The following RALGPS1 variants were observed in gnomAD, a reference collection of about 807,000 sequenced individuals.
The protein encoded by RALGPS1 is ras-specific guanine nucleotide-releasing factor RalGPS1.
RALGPS1 carries 19 observed loss-of-function variants against 78.8 expected under a neutral mutation model. The ratio of observed to expected loss-of-function variants is 0.24; its 90% CI spans 0.17 to 0.35. The LOEUF is 0.35. Among genes scored for constraint, RALGPS1 ranks in the 10% least tolerant of loss-of-function variants. RALGPS1 has a pLI of 1.00. For synonymous variants in RALGPS1, 228 were observed against 256.3 expected, an observed-to-expected ratio of 0.89 and a Z score of 1.06; for missense variants, 454 against 688.3, an observed-to-expected ratio of 0.66 and a Z score of 3.81.
chr9:127,194,141 A>C (rs751885948), intron 11 of RALGPS1, among the ~76,000 whole-genome samples: 4 of 152,238 alleles, frequency 2.6e-5, no homozygotes, highest in South Asian at 2.1e-4. Context: ...ATTAAGTATG[A>C]GGGCTAACTA....
At chr9:127,159,653 T>G (rs554477311) in intron 8 of RALGPS1, among the ~76,000 whole-genome samples, 17 of 152,340 alleles carry the variant, frequency 1.1e-4, no homozygotes, top group Admixed American at 8.5e-4. Context: ...ACTCACAGTC[T>G]TCCCCATCTT....
intron 5 of RALGPS1, among the ~76,000 whole-genome samples, chr9:127,039,086 G>T (rs771197967): frequency 6.6e-6 from 1 of 152,152 alleles, no homozygotes; most frequent in Non-Finnish European, 1.5e-5. Flanking sequence ...GAAAGGTCCA[G>T]CCTGGAGATG....
At chr9:127,053,219 G>C (rs2048441748) in intron 7 of RALGPS1, among the ~76,000 whole-genome samples, 1 of 152,318 alleles carries the variant, frequency 6.6e-6, no homozygotes, top group African/African-American at 2.4e-5. Context: ...CGGGTCAGCG[G>C]CATGACTTCT....
intron 18 of RALGPS1, chr9:127,216,946 A>T: frequency 6.5e-7 from 1 of 1,547,996 alleles, no homozygotes; most frequent in Non-Finnish European, 8.7e-7. Context: ...ACTGACAGCC[A>T]CGAGGTGGAC....
At chr9:127,036,752 A>G (rs1484471246) in intron 5 of RALGPS1, among the ~76,000 whole-genome samples, 1 of 152,080 alleles carries the variant, frequency 6.6e-6, no homozygotes, top group Non-Finnish European at 1.5e-5. Flanking sequence ...CTATGTTACA[A>G]CCCCAAGGAA....
intron 11 of RALGPS1, among the ~76,000 whole-genome samples, chr9:127,189,018 A>C (rs1457806290): frequency 2.7e-5 from 4 of 149,156 alleles, no homozygotes; most frequent in South Asian, 2.1e-4. Context: ...AAAAAAAAAA[A>C]AAAAAAAAAC....
intron 3 of RALGPS1, among the ~76,000 whole-genome samples, chr9:126,974,330 A>G (rs2040403389): frequency 6.6e-6 from 1 of 152,218 alleles, no homozygotes. Context: ...GAGTCAAAGC[A>G]GGAATAGATC....
chr9:127,157,487 A>G (rs772151438), intron 8 of RALGPS1, among the ~76,000 whole-genome samples: 15 of 152,062 alleles, frequency 9.9e-5, no homozygotes, highest in Non-Finnish European at 1.6e-4. Context: ...GGCCCAGGAT[A>G]TGTGTATACT....
intron 8 of RALGPS1, among the ~76,000 whole-genome samples, chr9:127,081,371 C>T (rs2051152451): frequency 6.6e-6 from 1 of 152,228 alleles, no homozygotes; most frequent in Non-Finnish European, 1.5e-5. Context: ...CTTATTCCAT[C>T]TCCCTGTGTT....
chr9:127,196,140 G>A (rs1186227675), intron 12 of RALGPS1, among the ~76,000 whole-genome samples: 3 of 152,284 alleles, frequency 2.0e-5, no homozygotes, highest in Non-Finnish European at 4.4e-5. Context: ...GACTCCAGGA[G>A]CAGACATCCT....
chr9:127,187,397 G>A (rs969840471), intron 11 of RALGPS1, among the ~76,000 whole-genome samples: 4 of 152,192 alleles, frequency 2.6e-5, no homozygotes, highest in African/African-American at 9.7e-5. Context: ...CAAGAGTGCG[G>A]CACACCTGGG....
intron 8 of RALGPS1, chr9:127,089,043 T>G: frequency 6.2e-7 from 1 of 1,614,198 alleles, no homozygotes; most frequent in Non-Finnish European, 8.5e-7. Context: ...TGGTAGCGGC[T>G]CCGGTAATGG....
At chr9:127,000,943 G>T (rs2043239850) in intron 4 of RALGPS1, among the ~76,000 whole-genome samples, 1 of 151,476 alleles carries the variant, frequency 6.6e-6, no homozygotes. Context: ...CTAAGAATAT[G>T]GTCAATCTTG....
At chr9:127,022,532 T>A (rs1391341743) in intron 4 of RALGPS1, among the ~76,000 whole-genome samples, 2 of 147,216 alleles carry the variant, frequency 1.4e-5, no homozygotes, top group Non-Finnish European at 3.0e-5. Flanking sequence ...AAAAAAAAAA[T>A]TGCACTCTTT....
intron 8 of RALGPS1, among the ~76,000 whole-genome samples, chr9:127,094,703 C>T (rs1305546664): frequency 6.6e-6 from 1 of 152,236 alleles, no homozygotes; most frequent in East Asian, 1.9e-4. Flanking sequence ...ATGCTTGGCA[C>T]TCACGCATTC....
chr9:127,167,514 A>G (rs2059355289), intron 9 of RALGPS1, among the ~76,000 whole-genome samples: 1 of 152,204 alleles, frequency 6.6e-6, no homozygotes. Context: ...CTCATGCATG[A>G]AAATGGGGAT....
chr9:126,927,722 T>A (rs956345137), intron 1 of RALGPS1, among the ~76,000 whole-genome samples: 2 of 152,082 alleles, frequency 1.3e-5, no homozygotes, highest in African/African-American at 4.8e-5. Context: ...AAAATCTCTA[T>A]CCGCTGAAGC....
Position 127,015,800 on chromosome 9 carries a change from C to A in RALGPS1, c.217-18631C>A, listed in dbSNP as rs566071488. Among the ~76,000 whole-genome samples the A allele has an allele frequency of 3.3e-5, 5 of 152,184 alleles. No homozygotes were observed. The East Asian group carries it at 9.7e-4, about 29-fold the overall frequency. On this transcript the variant is annotated intron_variant, in intron 4 of 18. Coordinates refer to ENST00000259351, the MANE Select transcript of RALGPS1 (RefSeq NM_014636.3). ...ATTTGTTCCCCTCTTCTCCCAAGTT[C>A]TTCTCCTGCCCTGGACATCACATCC...
chr9:127,137,546 G>A (rs2057485324), intron 8 of RALGPS1, among the ~76,000 whole-genome samples: 1 of 152,224 alleles, frequency 6.6e-6, no homozygotes, highest in Non-Finnish European at 1.5e-5. Flanking sequence ...GGGCTGTCCT[G>A]GGACACAGCT....
Sources: gnomAD v4.1 joint callset for allele counts (sites outside exome capture counted in the v4.1 genomes callset) on GRCh38, gnomAD v4.1.1 for gene constraint, MANE v1.5 for transcripts, NCBI Gene and HGNC (gene_info 2026-07-23, HGNC 2026-07-21) for gene names.